The following ADARB2 variants were observed in gnomAD, a reference collection of about 807,000 sequenced individuals.
ADARB2 encodes inactive double-stranded RNA-specific editase B2.
Under a neutral mutation model 62.2 loss-of-function variants are expected in ADARB2, and 25 were observed. The observed-to-expected ratio is 0.40, with a 90% CI of 0.29 to 0.56. The LOEUF (loss-of-function observed/expected upper bound fraction) is 0.56, where lower values mean the gene tolerates loss of function less well. Among genes scored for constraint, ADARB2 ranks in the 20% least tolerant of loss-of-function variants. The pLI is 0.43. For missense variants in ADARB2, 1,071 were observed against 1,077.4 expected, an observed-to-expected ratio of 0.99 and a Z score of 0.08; for synonymous variants, 572 against 500.8, an observed-to-expected ratio of 1.14 and a Z score of -1.90.
chr10:1,622,883 C>T (rs576863902), intron 1 of ADARB2, among the ~76,000 whole-genome samples: 3 of 152,306 alleles, frequency 2.0e-5, no homozygotes, highest in Non-Finnish European at 4.4e-5. Context: ...GGAATGCTCA[C>T]GTGGCTTCAT....
chr10:1,359,550 A>C (rs1370428800), intron 3 of ADARB2, among the ~76,000 whole-genome samples: 3 of 152,192 alleles, frequency 2.0e-5, no homozygotes, highest in Non-Finnish European at 4.4e-5. Context: ...ATCGTACGTC[A>C]TCTTTACCAC....
chr10:1,389,286 A>G lies in ADARB2; in HGVS notation c.101-10126T>C, dbSNP rs1229237751. ...ACTAACTACAAAAGAAAAAAATGAC[A>G]AATTAGTTTTCATCAAATTGGAAAA... On this transcript the variant is annotated intron_variant, in intron 1 of 9. Coordinates refer to ENST00000381312, the MANE Select transcript of ADARB2 (RefSeq NM_018702.4). 2.0e-5 allele frequency among the ~76,000 whole-genome samples: 3 copies of G among 152,220 alleles called. 1 individual carries two copies. The South Asian group carries it at 6.2e-4, about 31-fold the overall frequency.
chr10:1,389,328 T>C (rs1236843804), intron 1 of ADARB2, among the ~76,000 whole-genome samples: 3 of 152,194 alleles, frequency 2.0e-5, no homozygotes, highest in Non-Finnish European at 4.4e-5. Context: ...CTTGTTGAAA[T>C]ACACTGTTGA....
chr10:1,394,909 C>T (rs1564278321), intron 1 of ADARB2: 3 of 456,548 alleles, frequency 6.6e-6, no homozygotes, highest in African/African-American at 2.0e-5. Flanking sequence ...CCCTCCTCCT[C>T]CTTCTTCTTC....
chr10:1,289,238 A>T (rs1222133008), intron 3 of ADARB2, among the ~76,000 whole-genome samples: 1 of 152,218 alleles, frequency 6.6e-6, no homozygotes, highest in Non-Finnish European at 1.5e-5. Context: ...CGCTGCTTTG[A>T]GTTGTCCCGT....
At chr10:1,553,633 CTGTT>C (rs1187779743) in intron 1 of ADARB2, among the ~76,000 whole-genome samples, 34 of 152,324 alleles carry the variant, frequency 2.2e-4, no homozygotes, top group Non-Finnish European at 1.3e-4. Flanking sequence ...GGCTTCTTCT[CTGTT>C]TGATTTCCAA....
chr10:1,409,773 TGACAGTGGTGCTGAGGCCTGGCC>T (rs1465554867), intron 1 of ADARB2, among the ~76,000 whole-genome samples: 1 of 125,182 alleles, frequency 8.0e-6, no homozygotes, highest in African/African-American at 2.7e-5. Flanking sequence ...AGGGAATGAC[TGACAGTGGTGCTGAGGCCTGGCC>T]GTGGTCATAG....
At position 1,609,489 on chromosome 10, in the gene ADARB2, C is replaced by T. The variant is rs113273388; in HGVS notation, c.100+127562G>A. Among the ~76,000 whole-genome samples the T allele has an allele frequency of 5.0e-3, 767 of 152,362 alleles. 3 individuals carry two copies. Among genetic ancestry groups the T allele is most frequent in the Middle Eastern group, 0.017 (5 of 294 alleles). On this transcript the variant is annotated intron_variant, in intron 1 of 9. Transcript: ENST00000381312. ...AGAAGCCTCCTGGCCCGAGGACCCA[C>T]AAATCTGCTCTCCTGCATGCATCCA...
chr10:1,681,485 TA>T (rs113678958), intron 1 of ADARB2, among the ~76,000 whole-genome samples: 47 of 148,290 alleles, frequency 3.2e-4, no homozygotes, highest in Admixed American at 1.0e-3. Flanking sequence ...TAAAAAATAT[TA>T]AAAAAAAAAA....
At chr10:1,417,195 C>T (rs902661641) in intron 1 of ADARB2, among the ~76,000 whole-genome samples, 6 of 151,736 alleles carry the variant, frequency 4.0e-5, no homozygotes, top group Non-Finnish European at 8.8e-5. Flanking sequence ...TAGATTAAGA[C>T]AGTCAAGAAG....
intron 1 of ADARB2, among the ~76,000 whole-genome samples, chr10:1,650,009 C>A (rs1464949284): frequency 6.6e-6 from 1 of 152,216 alleles, no homozygotes; most frequent in African/African-American, 2.4e-5. Context: ...CATACCTTTT[C>A]ATAACTACAA....
In ADARB2 at chr10:1,626,881, C is replaced by T. The variant is rs148470944; in HGVS notation, c.100+110170G>A. 2.2e-3 allele frequency among the ~76,000 whole-genome samples: 342 copies of T among 152,268 alleles called. 2 individuals are homozygous for T. Among genetic ancestry groups the T allele is most frequent in the African/African-American group, 7.8e-3 (326 of 41,554 alleles). On this transcript the variant is annotated intron_variant, in intron 1 of 9. Transcript: ENST00000381312. ...GCACCAACCTAATATAAACATGTAT[C>T]GGTTTCTGCTGTGGTTATGCATCTC...
At chr10:1,638,149 C>T (rs1355153779) in intron 1 of ADARB2, among the ~76,000 whole-genome samples, 1 of 152,032 alleles carries the variant, frequency 6.6e-6, no homozygotes, top group Non-Finnish European at 1.5e-5. Context: ...CATTCAATAC[C>T]CAATATAAAT....
At position 1,224,180 on chromosome 10, in the gene ADARB2, C is replaced by T. The variant is rs554716249; in HGVS notation, c.1514-7061G>A. Among the ~76,000 whole-genome samples, 8 of 152,238 alleles carry T rather than the reference C, an allele frequency of 5.3e-5. No individual in the cohort carries two copies. In the East Asian group the frequency reaches 1.5e-3, roughly 29 times the overall value. On this transcript the variant is annotated intron_variant, in intron 6 of 9. Coordinates refer to ENST00000381312, the MANE Select transcript of ADARB2 (RefSeq NM_018702.4). ...GGATGTATGTGTCGAGGAATTTATC[C>T]ATTTCTTCTAGATTTTCTAGTTTAT...
chr10:1,439,936 A>G (rs1830884040), intron 1 of ADARB2, among the ~76,000 whole-genome samples: 1 of 144,310 alleles, frequency 6.9e-6, no homozygotes, highest in Non-Finnish European at 1.5e-5. Context: ...GTCCTTCACT[A>G]TGGGGCTCCT....
At chr10:1,186,541 C>T (rs1407873197) in intron 8 of ADARB2, 1 of 519,076 alleles carries the variant, frequency 1.9e-6, no homozygotes, top group Non-Finnish European at 3.8e-6. Context: ...GGGTGTCTCC[C>T]TCTCATTCAT....
At chr10:1,555,656 C>T (rs143480759) in intron 1 of ADARB2, among the ~76,000 whole-genome samples, 425 of 152,282 alleles carry the variant, frequency 2.8e-3, no homozygotes, top group South Asian at 6.0e-3. Context: ...ATATATGGGC[C>T]GGGCGCGGTG....
intron 7 of ADARB2, among the ~76,000 whole-genome samples, chr10:1,213,339 C>A (rs1041852841): frequency 1.3e-5 from 2 of 151,696 alleles, no homozygotes; most frequent in Non-Finnish European, 2.9e-5. Flanking sequence ...AGAGAGAGGC[C>A]GAGAGCGAGA....
chr10:1,690,290 A>G (rs773557247), intron 1 of ADARB2, among the ~76,000 whole-genome samples: 4 of 152,222 alleles, frequency 2.6e-5, no homozygotes, highest in Non-Finnish European at 5.9e-5. Context: ...TTGATACCTA[A>G]TTAAATGTGA....
Sources: gnomAD v4.1 joint callset for allele counts (sites outside exome capture counted in the v4.1 genomes callset) on GRCh38, gnomAD v4.1.1 for gene constraint, MANE v1.5 for transcripts, NCBI Gene and HGNC (gene_info 2026-07-23, HGNC 2026-07-21) for gene names.